The following ODAD2 variants were observed in gnomAD, a reference collection of about 807,000 sequenced individuals.
ODAD2 encodes outer dynein arm-docking complex subunit 2.
A neutral mutation model predicts 106.8 loss-of-function variants in ODAD2; 89 were observed. The ratio of observed to expected loss-of-function variants is 0.83; its 90% CI spans 0.70 to 0.99. The LOEUF (loss-of-function observed/expected upper bound fraction) is 0.99, where lower values mean the gene tolerates loss of function less well. Ranked by LOEUF, ODAD2 falls within the 50% of genes least tolerant of loss-of-function variation. The pLI is 0.00. For missense variants in ODAD2, 1,168 were observed against 1,238.5 expected, an observed-to-expected ratio of 0.94 and a Z score of 0.85; for synonymous variants, 404 against 436.2, an observed-to-expected ratio of 0.93 and a Z score of 0.92.
intron 19 of ODAD2, among the ~76,000 whole-genome samples, chr10:27,830,639 G>A (rs1479237318): frequency 6.6e-6 from 1 of 152,164 alleles, no homozygotes; most frequent in Non-Finnish European, 1.5e-5. Context: ...CCCCTAAAAT[G>A]ATACATGAAG....
At chr10:27,957,582 C>G (rs1410034422) in intron 10 of ODAD2, 1 of 152,102 alleles carries the variant, frequency 6.6e-6, no homozygotes, top group Admixed American at 6.6e-5. Flanking sequence ...AGCATCATCA[C>G]CTATGGGGGA....
intron 9 of ODAD2, among the ~76,000 whole-genome samples, chr10:27,966,999 T>G (rs1050321648): frequency 6.8e-6 from 1 of 147,362 alleles, no homozygotes; most frequent in Non-Finnish European, 1.5e-5. Flanking sequence ...TCATTCTTCC[T>G]AGACTGGGTA....
chr10:27,885,509 CAAAAAAAAAA>C (rs781326915), intron 17 of ODAD2, among the ~76,000 whole-genome samples: 311 of 19,804 alleles, frequency 0.016, 15 homozygotes, highest in East Asian at 0.053. Flanking sequence ...GACTCCATCT[CAAAAAAAAAA>C]AAAAAAAAAA....
chr10:27,903,572 C>T (rs912875256), intron 17 of ODAD2, among the ~76,000 whole-genome samples: 1 of 152,148 alleles, frequency 6.6e-6, no homozygotes, highest in African/African-American at 2.4e-5. Context: ...CCGAAAATCT[C>T]CTTAAGCTGA....
chr10:27,917,664 T>C (rs1032679134), intron 16 of ODAD2, among the ~76,000 whole-genome samples: 10 of 152,082 alleles, frequency 6.6e-5, no homozygotes, highest in Admixed American at 2.6e-4. Context: ...AGATAGTAAA[T>C]ATTGTAGGCT....
At chr10:27,816,843 G>A (rs1836172302) in intron 19 of ODAD2, among the ~76,000 whole-genome samples, 1 of 152,076 alleles carries the variant, frequency 6.6e-6, no homozygotes, top group South Asian at 2.1e-4. Context: ...CCGTCCCCTG[G>A]GGTTCAAGTG....
chr10:27,986,134 G>A (rs1849860964), intron 3 of ODAD2, among the ~76,000 whole-genome samples: 2 of 152,256 alleles, frequency 1.3e-5, no homozygotes, highest in Admixed American at 1.3e-4. Context: ...CTGAGAAAAG[G>A]ACTTCACTGG....
At chr10:27,953,054 T>C (rs1847474070) in intron 10 of ODAD2, among the ~76,000 whole-genome samples, 1 of 152,194 alleles carries the variant, frequency 6.6e-6, no homozygotes, top group Non-Finnish European at 1.5e-5. Context: ...TTTGATGAGT[T>C]TGGGTATATG....
chr10:27,972,278 A>G (rs1848913294), intron 7 of ODAD2, among the ~76,000 whole-genome samples: 1 of 152,208 alleles, frequency 6.6e-6, no homozygotes. Flanking sequence ...AACTTTTAGT[A>G]AGAAATATAA....
intron 17 of ODAD2, among the ~76,000 whole-genome samples, chr10:27,903,205 A>G (rs529735309): frequency 1.2e-4 from 18 of 152,324 alleles, no homozygotes; most frequent in Admixed American, 3.3e-4. Flanking sequence ...AAACCACATG[A>G]TTATCTCAAT....
At chr10:27,865,457 GC>G (rs1840371278) in intron 17 of ODAD2, among the ~76,000 whole-genome samples, 1 of 152,134 alleles carries the variant, frequency 6.6e-6, no homozygotes, top group African/African-American at 2.4e-5. Context: ...ATCTTCAGCT[GC>G]CAACTAAGGT....
chr10:27,878,166 T>C (rs1378169655), intron 17 of ODAD2, among the ~76,000 whole-genome samples: 4 of 152,104 alleles, frequency 2.6e-5, no homozygotes, highest in South Asian at 2.1e-4. Context: ...AAAACAGTCA[T>C]TGAGAAAGAG....
In ODAD2 at chr10:27,952,074, CAA is replaced by C. The variant is rs71388944; in HGVS notation, c.1387-7114_1387-7113del. Among the ~76,000 whole-genome samples the C allele has an allele frequency of 1.9e-3, 83 of 44,024 alleles. 1 individual carries two copies. Among genetic ancestry groups the C allele is most frequent in the African/African-American group, 5.6e-3 (71 of 12,618 alleles). The allele number at this position is 44,024 out of a possible 152,430, so 28.9% of individuals were successfully genotyped here. On this transcript the variant is annotated intron_variant, in intron 10 of 19. Transcript: ENST00000305242. Reference sequence around the variant, plus strand: ...TGGGCAACAGACTGAGATGCCAACTCAAAAAAAAAAAAAAAAAAGACACACTA... The same window carrying C: ...TGGGCAACAGACTGAGATGCCAACTCAAAAAAAAAAAAAAAAGACACACTA...
At chr10:27,834,551 G>C (rs945766626) in intron 19 of ODAD2, among the ~76,000 whole-genome samples, 1 of 152,158 alleles carries the variant, frequency 6.6e-6, no homozygotes, top group African/African-American at 2.4e-5. Context: ...ATGAAGGTTG[G>C]TGGACATCCA....
chr10:27,935,853 T>C (rs985038736), intron 15 of ODAD2, among the ~76,000 whole-genome samples: 28 of 151,932 alleles, frequency 1.8e-4, no homozygotes, highest in Middle Eastern at 3.4e-3. Context: ...TATATATATA[T>C]ACACACACAA....
chr10:27,981,550 A>C lies in ODAD2; in HGVS notation c.852T>G (p.Tyr284Ter). 6.5e-7 allele frequency: 1 copy of C among 1,543,392 alleles called. No homozygotes were observed. Among genetic ancestry groups the C allele is most frequent in the Non-Finnish European group, 8.6e-7 (1 of 1,158,298 alleles). ...GKTDDEGDVN[Y>*]ERKGSIYKNL... ...TTTTATAAATTGAACCTTTTCTCTC[A>C]TAATTAACGTCCCCTTCATCATCTG... Residue 284 changes from tyrosine (Y) to a stop codon, truncating the protein, a stop_gained, in exon 7 of 20, where the codon TAT becomes TAG. Transcript: ENST00000305242. LOFTEE classifies it high-confidence loss of function.
chr10:27,850,759 T>G (rs1839201127), intron 19 of ODAD2, among the ~76,000 whole-genome samples: 1 of 152,098 alleles, frequency 6.6e-6, no homozygotes, highest in Non-Finnish European at 1.5e-5. Context: ...AACAACAACT[T>G]TCAAAATATT....
intron 19 of ODAD2, among the ~76,000 whole-genome samples, chr10:27,857,029 T>C (rs1428160823): frequency 6.6e-6 from 1 of 152,202 alleles, no homozygotes; most frequent in African/African-American, 2.4e-5. Flanking sequence ...GATTATATGT[T>C]GAAATAACAA....
intron 17 of ODAD2, among the ~76,000 whole-genome samples, chr10:27,873,676 T>G (rs1429547968): frequency 6.6e-6 from 1 of 152,222 alleles, no homozygotes; most frequent in Non-Finnish European, 1.5e-5. Context: ...TTGAGTGAGC[T>G]TCTTAATCCT....
Sources: allele counts gnomAD v4.1 joint callset (sites outside exome capture counted in the v4.1 genomes callset), GRCh38; gene constraint gnomAD v4.1.1; transcripts MANE v1.5; gene names NCBI Gene and HGNC (gene_info 2026-07-23, HGNC 2026-07-21).